Variants in DNAJC11 observed in about 807,000 individuals in gnomAD.
The protein encoded by DNAJC11 is DnaJ heat shock protein family (Hsp40) member C11.
Under a neutral mutation model 78.6 loss-of-function variants are expected in DNAJC11, and 15 were observed. That is an observed-to-expected ratio of 0.19 (90% CI 0.13 to 0.29). The LOEUF is 0.29. Among genes scored for constraint, DNAJC11 ranks in the 10% least tolerant of loss-of-function variants. The pLI is 1.00. For missense variants in DNAJC11, 547 were observed against 709.6 expected (o/e 0.77, Z 2.60); for synonymous variants, 292 against 272.1 (o/e 1.07, Z -0.72).
intron 3 of DNAJC11, among the ~76,000 whole-genome samples, chr1:6,671,939 A>G (rs1026248672): frequency 7.9e-5 from 12 of 152,004 alleles, no homozygotes; most frequent in African/African-American, 2.4e-4. Context: ...GGTTCAAGCA[A>G]TTCTCCTGCC....
At position 6,636,128 on chromosome 1, in the gene DNAJC11, A is replaced by G. The variant is rs1270949994; in HGVS notation, c.1643T>C (p.Ile548Thr). The change falls in exon 15 of 16, where the codon ATA becomes ACA. Residue 548 changes from isoleucine (I) to threonine (T), a missense_variant. Physicochemically the swap from Ile to Thr is moderately conservative, Grantham distance 89. Coordinates refer to ENST00000377577, the MANE Select transcript of DNAJC11 (RefSeq NM_018198.4). ...VMVLDSEALR[I>T]PKQSHRIDTD... The stretch of plus-strand genomic sequence containing the variant: ...GGACGGCTACTCACACTGCTTTGGT[A>G]TCCGGAGGGCCTCACTGTCCAGCAC... 6.2e-7 allele frequency: 1 copy of G among 1,614,030 alleles called. No individual in the cohort carries two copies. The highest frequency in any genetic ancestry group is 1.3e-5 in the African/African-American group (1 of 75,036).
chr1:6,681,059 T>G, intron 1 of DNAJC11, 22 bp from the exon 2 acceptor site: 1 of 1,588,358 alleles, frequency 6.3e-7, no homozygotes, highest in Non-Finnish European at 8.6e-7. Flanking sequence ...AAAATTCAAT[T>G]AGAGAACAAT....
chr1:6,699,829 A>G (rs1332775643), intron 1 of DNAJC11, among the ~76,000 whole-genome samples: 1 of 152,188 alleles, frequency 6.6e-6, no homozygotes, highest in African/African-American at 2.4e-5. Context: ...CAGGTGCCCT[A>G]TGGCAGCCTA....
rs1027390241 is a variant in DNAJC11, at chr1:6,680,611, A to G, written c.202+297T>C. Among the ~76,000 whole-genome samples, 5 of 152,196 alleles carry G rather than the reference A, an allele frequency of 3.3e-5. No individual in the cohort carries two copies. Among genetic ancestry groups the G allele is most frequent in the African/African-American group, 4.8e-5 (2 of 41,436 alleles). Reference sequence around the variant, plus strand: ...CCCTGTAACGATCAGCCTTTTACCTATAAGAGTTCCCTTTAGAAGAAAACT... The same window carrying G: ...CCCTGTAACGATCAGCCTTTTACCTGTAAGAGTTCCCTTTAGAAGAAAACT... On this transcript the variant is annotated intron_variant, in intron 2 of 15. Transcript: ENST00000377577. The surrounding 1 kb of genome is among the most constrained non-coding windows in gnomAD (Gnocchi z 4.0).
intron 3 of DNAJC11, chr1:6,670,849 C>T (rs1013141043): frequency 3.9e-5 from 6 of 152,160 alleles, no homozygotes; most frequent in African/African-American, 1.2e-4. Flanking sequence ...CTGACATAGA[C>T]AAAAGCAAGG....
chr1:6,696,994 A>G (rs1446187726), intron 1 of DNAJC11, among the ~76,000 whole-genome samples: 1 of 152,276 alleles, frequency 6.6e-6, no homozygotes, highest in Non-Finnish European at 1.5e-5. Context: ...TAATTAATGG[A>G]TCAGGTAAAT....
At chr1:6,646,412 C>T (rs1224698717) in intron 7 of DNAJC11, among the ~76,000 whole-genome samples, 4 of 152,194 alleles carry the variant, frequency 2.6e-5, no homozygotes, top group Middle Eastern at 3.2e-3. Flanking sequence ...GTGGCTTCTT[C>T]GCCGGCATGC....
chr1:6,701,304 G>A (rs1242497180), intron 1 of DNAJC11, among the ~76,000 whole-genome samples: 4 of 152,166 alleles, frequency 2.6e-5, no homozygotes, highest in Admixed American at 6.5e-5. Flanking sequence ...TGACCTTGGT[G>A]GGTGAGACTC....
At chr1:6,641,482 A>G (rs965779165) in intron 10 of DNAJC11, among the ~76,000 whole-genome samples, 3 of 150,584 alleles carry the variant, frequency 2.0e-5, no homozygotes, top group African/African-American at 7.3e-5. Context: ...AATAGTAAGC[A>G]TAAGAAGACT....
rs1179913569 is a variant in DNAJC11 at position 6,634,505 on chromosome 1, G to C, written c.*1170C>G. 1.5e-6 allele frequency: 2 copies of C among 1,349,652 alleles called. No individual in the cohort carries two copies. Among genetic ancestry groups the C allele is most frequent in the Non-Finnish European group, 9.9e-7 (1 of 1,014,094 alleles). The allele number at this position is 1,349,652 out of a possible 1,614,324, so 83.6% of individuals were successfully genotyped here. A position where few individuals can be genotyped will look rare whatever the true frequency, so the allele number is the denominator to read the frequency against. On this transcript the variant is annotated 3_prime_UTR_variant, in exon 16 of 16. Coordinates refer to ENST00000377577, the MANE Select transcript of DNAJC11 (RefSeq NM_018198.4). ...GTGGGCTGGAGGCCGGCGCAGCTTG[G>C]GGCCCCCCGCGCCAGCTGTCTCAGC...
At chr1:6,662,045 G>A (rs887027979) in intron 4 of DNAJC11, among the ~76,000 whole-genome samples, 72 of 152,036 alleles carry the variant, frequency 4.7e-4, no homozygotes, top group African/African-American at 1.6e-3. Flanking sequence ...TCCACCTCCA[G>A]GGCTCAAGCA....
intron 7 of DNAJC11, chr1:6,651,325 A>C (rs978210140): frequency 3.1e-6 from 2 of 650,080 alleles, no homozygotes; most frequent in African/African-American, 3.5e-5. Context: ...GGGCTGGGAC[A>C]AGGGTCCGGC....
intron 3 of DNAJC11, among the ~76,000 whole-genome samples, chr1:6,672,395 G>T (rs745364932): frequency 1.2e-4 from 19 of 152,164 alleles, no homozygotes; most frequent in Non-Finnish European, 1.9e-4. Flanking sequence ...AGCAGGAAAA[G>T]ATTCATTTTC....
intron 7 of DNAJC11, among the ~76,000 whole-genome samples, chr1:6,649,605 C>T (rs1642023078): frequency 6.6e-6 from 1 of 152,206 alleles, no homozygotes; most frequent in Non-Finnish European, 1.5e-5. Context: ...GTTCTCTGCC[C>T]CATGCCCCAC....
chr1:6,651,123 G>A lies in DNAJC11; in HGVS notation c.704+406C>T, dbSNP rs375236706. 3 of 536,608 alleles carry A rather than the reference G, an allele frequency of 5.6e-6. No homozygotes were observed. In the African/African-American group the frequency reaches 5.8e-5, roughly 10 times the overall value. The allele number at this position is 536,608 out of a possible 1,614,324, so 33.2% of individuals were successfully genotyped here. ...AGACGACAGGAAGCAGAGGCTGGCT[G>A]GGGACTACATCTCTGGCATATGTCA... On this transcript the variant is annotated intron_variant, in intron 7 of 15. Transcript: ENST00000377577.
At chr1:6,679,948 C>A (rs1010415759) in intron 2 of DNAJC11, among the ~76,000 whole-genome samples, 1 of 152,198 alleles carries the variant, frequency 6.6e-6, no homozygotes, top group Admixed American at 6.5e-5. Flanking sequence ...TGACACTACA[C>A]CGACTGTACA....
chr1:6,660,590 T>G (rs2148737174), intron 4 of DNAJC11, among the ~76,000 whole-genome samples: 1 of 152,338 alleles, frequency 6.6e-6, no homozygotes, highest in Admixed American at 6.5e-5. Context: ...TCTGGCACAT[T>G]ACAGGCACCC....
chr1:6,698,942 A>AAT (rs1428197742), intron 1 of DNAJC11, among the ~76,000 whole-genome samples: 1 of 147,594 alleles, frequency 6.8e-6, no homozygotes, highest in Non-Finnish European at 1.5e-5. Flanking sequence ...TATATATATA[A>AAT]ATATATATAT....
At chr1:6,654,148 C>A in intron 4 of DNAJC11, 109 bp from the exon 5 acceptor site, 1 of 1,413,802 alleles carries the variant, frequency 7.1e-7, no homozygotes, top group Non-Finnish European at 9.7e-7. Flanking sequence ...CATTTGACTT[C>A]AGGGTTCACT....
Sources: allele counts gnomAD v4.1 joint callset (sites outside exome capture counted in the v4.1 genomes callset), GRCh38; gene constraint gnomAD v4.1.1; non-coding constraint Gnocchi (gnomAD v3.1); transcripts MANE v1.5; gene names NCBI Gene and HGNC (gene_info 2026-07-23, HGNC 2026-07-21).